DNAH3: variants seen among roughly 807,000 people sequenced by gnomAD.
DNAH3 encodes axonemal beta dynein heavy chain 3.
Under a neutral mutation model 432.5 loss-of-function variants are expected in DNAH3, and 332 were observed. That is an observed-to-expected ratio of 0.77 (90% CI 0.70 to 0.84). DNAH3 has a LOEUF of 0.84. Among genes scored for constraint, DNAH3 ranks in the 40% least tolerant of loss-of-function variants. The probability of loss-of-function intolerance (pLI) is 0.00; values close to 1 mark genes in which losing one functional copy is unlikely to be tolerated. For synonymous variants in DNAH3, 1,956 were observed against 1,900.2 expected (o/e 1.03, Z -0.76); for missense variants, 4,861 against 5,114.0 (o/e 0.95, Z 1.51).
intron 25 of DNAH3, 57 bp from the exon 26 acceptor site, chr16:21,060,413 G>A (rs1202920440): frequency 7.4e-7 from 1 of 1,343,124 alleles, no homozygotes; most frequent in African/African-American, 1.4e-5. Context: ...GAGGGAGGGA[G>A]AGTGGGCAGA....
Position 21,139,320 on chromosome 16 carries a change from C to CTTTTTTTTTTTTTTTTTTTTTTT in DNAH3, c.696+1193_696+1215dup, listed in dbSNP as rs9302391. On this transcript the variant is annotated intron_variant, in intron 5 of 61. Coordinates refer to ENST00000261383, the Ensembl canonical transcript of DNAH3. ...AATGTAGCTTGAGACTTTCCTCATG[C>CTTTTTTTTTTTTTTTTTTTTTTT]TTTTTTTTTTTTTTTTTTTTTTTTT... Among the ~76,000 whole-genome samples the CTTTTTTTTTTTTTTTTTTTTTTT allele has an allele frequency of 5.1e-4, 15 of 29,630 alleles. 3 individuals are homozygous for CTTTTTTTTTTTTTTTTTTTTTTT. The highest frequency in any genetic ancestry group is 8.2e-4 in the African/African-American group (5 of 6,110). The allele number at this position is 29,630 out of a possible 152,430, so 19.4% of individuals were successfully genotyped here. A position where few individuals can be genotyped will look rare whatever the true frequency, so the allele number is the denominator to read the frequency against.
chr16:20,948,813 C>A (rs1173700709), intron 56 of DNAH3, among the ~76,000 whole-genome samples, 176 bp from the exon 57 acceptor site: 1 of 152,094 alleles, frequency 6.6e-6, no homozygotes, highest in Non-Finnish European at 1.5e-5. Context: ...AGGGCCCCAC[C>A]CTCAAGCTGA....
intron 56 of DNAH3, among the ~76,000 whole-genome samples, chr16:20,949,131 G>A (rs984660580): frequency 2.6e-5 from 4 of 151,858 alleles, no homozygotes; most frequent in Admixed American, 2.6e-4. Context: ...ACAAGAGCTT[G>A]GGTGCCATGA....
chr16:20,964,537 T>C lies in DNAH3; in HGVS notation c.9347A>G (p.Glu3116Gly). The change falls in exon 53 of 62, where the codon GAA (glutamate) becomes GGA (glycine). Residue 3116 changes from glutamate (E) to glycine (G), a missense_variant. By Grantham distance (98) the Glu-to-Gly change is moderately conservative. Transcript: ENST00000261383. The stretch of plus-strand genomic sequence containing the variant: ...AGGGGTGCCTAACTGCAGCGCGTTT[T>C]CCAGCATCCTCATGTAGTTGCTATC... 3 of 1,614,226 alleles carry C rather than the reference T, an allele frequency of 1.9e-6. No homozygotes were observed. The South Asian group carries it at 3.3e-5, about 18-fold the overall frequency.
intron 49 of DNAH3, among the ~76,000 whole-genome samples, 160 bp downstream of exon 49, chr16:20,982,561 A>T (rs1021898351): frequency 6.6e-5 from 10 of 152,212 alleles, no homozygotes. Context: ...TACAGACAAG[A>T]TGCTTTATTA....
At chr16:21,018,257 T>G (rs987886277) in intron 41 of DNAH3, among the ~76,000 whole-genome samples, 13 of 152,288 alleles carry the variant, frequency 8.5e-5, no homozygotes, top group Admixed American at 2.0e-4. Context: ...TGATACATGT[T>G]TTTTTACAAT....
At chr16:21,028,464 C>T (rs1181786510) in intron 37 of DNAH3, among the ~76,000 whole-genome samples, 3 of 150,054 alleles carry the variant, frequency 2.0e-5, no homozygotes, top group Non-Finnish European at 4.4e-5. Context: ...AGTTGGAGAC[C>T]AGCCTGGCCA....
At chr16:21,042,183 G>A (rs147257748) in exon 32 of DNAH3, 156 of 1,606,906 alleles carry the variant, frequency 9.7e-5, no homozygotes, top group African/African-American at 1.6e-4. Flanking sequence ...TCTGCTGAGC[G>A]ACCACAGACA....
chr16:20,950,845 T>C (rs941778705), intron 56 of DNAH3, among the ~76,000 whole-genome samples: 5 of 152,128 alleles, frequency 3.3e-5, no homozygotes, highest in African/African-American at 1.2e-4. Flanking sequence ...TTTTAAGAGA[T>C]GGGGTCTTGC....
intron 52 of DNAH3, 126 bp downstream of exon 52, chr16:20,969,666 T>A (rs200261173): frequency 1.1e-6 from 1 of 946,944 alleles, no homozygotes; most frequent in African/African-American, 1.6e-5. Flanking sequence ...GGTTCCTTTC[T>A]TAATTCCTCC....
chr16:20,933,559 G>A (rs779229787), intron 61 of DNAH3, 52 bp from the exon 62 acceptor site: 40 of 1,435,228 alleles, frequency 2.8e-5, no homozygotes, highest in Non-Finnish European at 3.4e-5. Flanking sequence ...TCCTACATGG[G>A]CAGCTTTAAG....
At chr16:20,967,409 G>A (rs1245521214) in intron 52 of DNAH3, among the ~76,000 whole-genome samples, 1 of 150,198 alleles carries the variant, frequency 6.7e-6, no homozygotes, top group African/African-American at 2.4e-5. Context: ...CAGCTGCAGG[G>A]GAGCTTAAAA....
intron 40 of DNAH3, among the ~76,000 whole-genome samples, chr16:21,020,186 G>A (rs1163559271): frequency 6.7e-6 from 1 of 150,286 alleles, no homozygotes; most frequent in East Asian, 2.0e-4. Flanking sequence ...ACATCTGACT[G>A]ATTTTTGTAT....
At chr16:21,109,823 C>T (rs1435531386) in intron 14 of DNAH3, among the ~76,000 whole-genome samples, 1 of 151,800 alleles carries the variant, frequency 6.6e-6, no homozygotes, top group Admixed American at 6.6e-5. Flanking sequence ...ATTGCAGCCT[C>T]GACTTCTGGG....
In DNAH3 at chr16:21,015,138, T is replaced by C. The variant is rs2152705639; in HGVS notation, c.6022+4486A>G. Among the ~76,000 whole-genome samples the C allele has an allele frequency of 1.3e-5, 2 of 152,320 alleles. 1 individual carries two copies. Among genetic ancestry groups the C allele is most frequent in the East Asian group, 3.9e-4 (2 of 5,186 alleles). ...TTTACATAAATGTTTATAACTGCTTTAAGTACCAAAAATTGTAATAAACCA... is the reference window on the plus strand; with the variant it reads ...TTTACATAAATGTTTATAACTGCTTCAAGTACCAAAAATTGTAATAAACCA... On this transcript the variant is annotated intron_variant, in intron 41 of 61. Transcript: ENST00000261383.
At chr16:21,074,080 A>G (rs1191790297) in intron 21 of DNAH3, among the ~76,000 whole-genome samples, 1 of 152,168 alleles carries the variant, frequency 6.6e-6, no homozygotes, top group African/African-American at 2.4e-5. Context: ...TCTGTCTTTT[A>G]TTATAGGAGT....
intron 32 of DNAH3, among the ~76,000 whole-genome samples, 158 bp from the exon 33 acceptor site, chr16:21,040,101 C>T (rs939123644): frequency 4.6e-5 from 7 of 152,146 alleles, no homozygotes; most frequent in Admixed American, 3.3e-4. Context: ...GCAGATGGAC[C>T]ATCCTCGGTG....
At chr16:20,963,506 G>T in exon 53 of DNAH3, 1 of 1,614,092 alleles carries the variant, frequency 6.2e-7, no homozygotes, top group Non-Finnish European at 8.5e-7. Flanking sequence ...GACCCAGGGA[G>T]TTGCTCCTCA....
intron 47 of DNAH3, among the ~76,000 whole-genome samples, chr16:20,986,495 A>T (rs916741959): frequency 5.3e-5 from 8 of 152,110 alleles, no homozygotes; most frequent in Non-Finnish European, 1.2e-4. Context: ...TGACAGAGTG[A>T]GGTCCTACCT....
Sources: allele counts gnomAD v4.1 joint callset (sites outside exome capture counted in the v4.1 genomes callset), GRCh38; gene constraint gnomAD v4.1.1; transcripts MANE v1.5; gene names NCBI Gene and HGNC (gene_info 2026-07-23, HGNC 2026-07-21).